The following RYR2 variants were observed in gnomAD, a reference collection of about 807,000 sequenced individuals.
RYR2 encodes cardiac muscle ryanodine receptor-calcium release channel.
Under a neutral mutation model 601.1 loss-of-function variants are expected in RYR2, and 227 were observed. The observed-to-expected ratio is 0.38, with a 90% confidence interval of 0.34 to 0.42. The LOEUF is 0.42. Ranked by LOEUF, RYR2 falls within the 10% of genes least tolerant of loss-of-function variation. The probability of loss-of-function intolerance (pLI) is 1.00; values close to 1 mark genes in which losing one functional copy is unlikely to be tolerated. For missense variants in RYR2, 4,646 were observed against 6,156.5 expected, an observed-to-expected ratio of 0.75 and a Z score of 8.21; for synonymous variants, 2,223 against 2,175.1, an observed-to-expected ratio of 1.02 and a Z score of -0.61.
Position 237,360,373 on chromosome 1 carries a change from A to C in RYR2, c.295-3985A>C, listed in dbSNP as rs184148788. On this transcript the variant is annotated intron_variant, in intron 4 of 104. Transcript: ENST00000366574. The stretch of plus-strand genomic sequence containing the variant: ...AGCTGGGAAATGAAGAAAGCCCTAG[A>C]TACCTCTTCTATTTCATGTTTTAGG... Among the ~76,000 whole-genome samples the C allele has an allele frequency of 2.1e-3, 324 of 152,316 alleles. 1 individual carries two copies. Among genetic ancestry groups the C allele is most frequent in the African/African-American group, 7.5e-3 (311 of 41,576 alleles).
At position 237,764,142 on chromosome 1, in the gene RYR2, C is replaced by T. The variant is rs183591601; in HGVS notation, c.11476+3114C>T. ...TATATAGCCATGGAAAACGTATAAGCTCAAATGCATGAACTTTTGATACCC... is the reference window on the plus strand; with the variant it reads ...TATATAGCCATGGAAAACGTATAAGTTCAAATGCATGAACTTTTGATACCC... On this transcript the variant is annotated intron_variant, in intron 84 of 104. Transcript: ENST00000366574. 2.7e-3 allele frequency among the ~76,000 whole-genome samples: 416 copies of T among 152,300 alleles called. 2 individuals are homozygous for T. Among genetic ancestry groups the T allele is most frequent in the African/African-American group, 9.3e-3 (388 of 41,568 alleles).
chr1:237,646,913 A>G (rs1271793501), intron 48 of RYR2, among the ~76,000 whole-genome samples: 2 of 152,196 alleles, frequency 1.3e-5, no homozygotes, highest in African/African-American at 4.8e-5. Context: ...ACTTGAGCCA[A>G]TCCGTGAGTC....
chr1:237,533,461 A>G (rs925765038), intron 25 of RYR2, among the ~76,000 whole-genome samples: 4 of 152,174 alleles, frequency 2.6e-5, no homozygotes, highest in African/African-American at 9.7e-5. Flanking sequence ...TATCATTCAT[A>G]GCAATGTTAT....
At chr1:237,732,387 A>G (rs1047595355) in intron 78 of RYR2, among the ~76,000 whole-genome samples, 20 of 152,210 alleles carry the variant, frequency 1.3e-4, no homozygotes, top group Non-Finnish European at 2.8e-4. Context: ...TTAATGATGT[A>G]GTTGATTCTG....
At chr1:237,399,159 C>T (rs1703119340) in intron 10 of RYR2, among the ~76,000 whole-genome samples, 1 of 152,068 alleles carries the variant, frequency 6.6e-6, no homozygotes, top group Admixed American at 6.6e-5. Flanking sequence ...CATGCCACTT[C>T]ACTCCGGCCT....
chr1:237,721,132 G>A, intron 73 of RYR2, among the ~76,000 whole-genome samples: 1 of 152,012 alleles, frequency 6.6e-6, no homozygotes, highest in South Asian at 2.1e-4. Flanking sequence ...GAAATTGTAG[G>A]GCTGTTCATC....
chr1:237,750,533 T>C (rs758975244), intron 80 of RYR2, among the ~76,000 whole-genome samples: 33 of 150,862 alleles, frequency 2.2e-4, no homozygotes, highest in Non-Finnish European at 3.4e-4. Context: ...ATAAATTTCA[T>C]AAAGTTCATT....
At chr1:237,205,000 G>A (rs1681640668) in intron 1 of RYR2, among the ~76,000 whole-genome samples, 1 of 152,192 alleles carries the variant, frequency 6.6e-6, no homozygotes, top group Non-Finnish European at 1.5e-5. Context: ...ACTGCCCTGA[G>A]AGGACACAGG....
At chr1:237,700,159 G>C in intron 64 of RYR2, 70 bp from the exon 65 acceptor site, 2 of 994,520 alleles carry the variant, frequency 2.0e-6, no homozygotes, top group Non-Finnish European at 3.0e-6. Context: ...CATCATAAGA[G>C]AACCACAATT....
Position 237,318,896 on chromosome 1 carries a change from T to G in RYR2, c.169-11982T>G, listed in dbSNP as rs150896346. Among the ~76,000 whole-genome samples the G allele has an allele frequency of 3.0e-3, 464 of 152,250 alleles. 3 individuals are homozygous for G. Among genetic ancestry groups the G allele is most frequent in the Middle Eastern group, 0.017 (5 of 294 alleles). On this transcript the variant is annotated intron_variant, in intron 2 of 104. Coordinates refer to ENST00000366574, the MANE Select transcript of RYR2 (RefSeq NM_001035.3). The stretch of plus-strand genomic sequence containing the variant: ...GCCATTCATTATTTGTTTAAATGCA[T>G]TTTTCTGACCGCTTCTTTCTCTCCT...
chr1:237,150,187 G>A (rs970352717), intron 1 of RYR2, among the ~76,000 whole-genome samples: 3 of 152,204 alleles, frequency 2.0e-5, no homozygotes, highest in Admixed American at 2.0e-4. Context: ...ACATGCAAGT[G>A]TATGTAGCAG....
chr1:237,677,493 T>C (rs1373558638), intron 60 of RYR2, among the ~76,000 whole-genome samples: 1 of 152,184 alleles, frequency 6.6e-6, no homozygotes, highest in Non-Finnish European at 1.5e-5. Context: ...TATGCTTTAG[T>C]GGAATGCTAA....
chr1:237,046,918 C>T (rs1660672261), intron 1 of RYR2, among the ~76,000 whole-genome samples: 2 of 152,110 alleles, frequency 1.3e-5, no homozygotes, highest in Non-Finnish European at 2.9e-5. Flanking sequence ...TGGTTTGCAG[C>T]TGTAATTGCA....
chr1:237,528,832 A>G (rs1364310280), intron 24 of RYR2, among the ~76,000 whole-genome samples: 1 of 152,174 alleles, frequency 6.6e-6, no homozygotes, highest in Non-Finnish European at 1.5e-5. Context: ...TAACTGTCTT[A>G]TAATCCAAAA....
intron 11 of RYR2, among the ~76,000 whole-genome samples, chr1:237,418,264 G>T (rs550613630): frequency 2.6e-5 from 4 of 152,004 alleles, no homozygotes; most frequent in African/African-American, 9.7e-5. Context: ...GGATGGTCTC[G>T]ATCTCCTGAC....
chr1:237,224,782 C>A (rs1022046667), intron 1 of RYR2, among the ~76,000 whole-genome samples: 2 of 152,078 alleles, frequency 1.3e-5, no homozygotes, highest in African/African-American at 4.8e-5. Flanking sequence ...ATCACTTGAG[C>A]CCAGGAGTTG....
At chr1:237,081,462 G>C (rs1444716264) in intron 1 of RYR2, among the ~76,000 whole-genome samples, 1 of 150,366 alleles carries the variant, frequency 6.7e-6, no homozygotes, top group African/African-American at 2.4e-5. Flanking sequence ...TCCACAGGAG[G>C]ACCCTGTCTT....
rs1445452207 is a variant in RYR2, at chr1:237,506,810, G to A, written c.2714G>A (p.Gly905Asp). ...MNKIELGWQYGPVRDDNKRQH... is the reference protein window; with the variant it reads ...MNKIELGWQYDPVRDDNKRQH... The stretch of plus-strand genomic sequence containing the variant: ...AAAATTGAGCTTGGCTGGCAGTATG[G>A]TCCGGTATGTAATTTTGAAATTTAT... The change falls in exon 23 of 105, where the codon GGT becomes GAT. Residue 905 changes from glycine (G) to aspartate (D), a missense_variant. Transcript: ENST00000366574. 6.2e-7 allele frequency: 1 copy of A among 1,610,874 alleles called. No homozygotes were observed. The highest frequency in any genetic ancestry group is 1.3e-5 in the African/African-American group (1 of 74,846).
chr1:237,781,840 A>G (rs1325308103), intron 89 of RYR2, among the ~76,000 whole-genome samples, 194 bp downstream of exon 89: 2 of 152,204 alleles, frequency 1.3e-5, no homozygotes, highest in African/African-American at 4.8e-5. Context: ...ATCTCAGTTT[A>G]CATATCTACA....
Sources: gnomAD v4.1 joint callset for allele counts (sites outside exome capture counted in the v4.1 genomes callset) on GRCh38, gnomAD v4.1.1 for gene constraint, MANE v1.5 for transcripts, NCBI Gene and HGNC (gene_info 2026-07-23, HGNC 2026-07-21) for gene names.